The following FOXK2 variants were observed in gnomAD, a reference collection of about 807,000 sequenced individuals.
FOXK2 encodes forkhead box K2.
A neutral mutation model predicts 53.3 loss-of-function variants in FOXK2; 24 were observed. The observed-to-expected ratio is 0.45, with a 90% CI of 0.33 to 0.63. FOXK2 has a LOEUF of 0.63. Ranked by LOEUF, FOXK2 falls within the 30% of genes least tolerant of loss-of-function variation. The pLI, the probability that FOXK2 is intolerant of heterozygous loss-of-function variation, is 0.03. For missense variants in FOXK2, 952 were observed against 910.5 expected (o/e 1.05, Z -0.59); for synonymous variants, 505 against 407.1 (o/e 1.24, Z -2.89).
chr17:82,587,016 T>C, intron 7 of FOXK2, 47 bp from the exon 8 acceptor site: 2 of 1,574,260 alleles, frequency 1.3e-6, no homozygotes, highest in South Asian at 1.1e-5. Flanking sequence ...AAGATTTTTA[T>C]TTGCTTTCCA....
intron 1 of FOXK2, among the ~76,000 whole-genome samples, chr17:82,527,918 A>G (rs2044434329): frequency 6.6e-6 from 1 of 152,108 alleles, no homozygotes; most frequent in South Asian, 2.1e-4. Flanking sequence ...TTCCCACCTC[A>G]GTCTCCCGTG....
intron 1 of FOXK2, among the ~76,000 whole-genome samples, chr17:82,542,676 G>C (rs935323950): frequency 6.6e-6 from 1 of 152,146 alleles, no homozygotes; most frequent in African/African-American, 2.4e-5. Context: ...TGGCAGGAGA[G>C]GACAGGTGCA....
chr17:82,535,314 C>G (rs1319860300), intron 1 of FOXK2, among the ~76,000 whole-genome samples: 14 of 152,100 alleles, frequency 9.2e-5, no homozygotes, highest in Non-Finnish European at 2.9e-5. Flanking sequence ...CATTTTGGGT[C>G]CTGTGAGTTT....
At chr17:82,570,765 T>TC (rs1438545312) in intron 3 of FOXK2, among the ~76,000 whole-genome samples, 1 of 152,240 alleles carries the variant, frequency 6.6e-6, no homozygotes, top group East Asian at 1.9e-4. Flanking sequence ...GCCCAGAAGT[T>TC]CACAACCAGG....
intron 1 of FOXK2, among the ~76,000 whole-genome samples, chr17:82,554,505 A>T (rs1357383717): frequency 6.6e-6 from 1 of 152,178 alleles, no homozygotes; most frequent in Non-Finnish European, 1.5e-5. Context: ...AATCCAGTTT[A>T]AGTTGTTGGT....
At chr17:82,596,547 G>GCCCTGGTGCCCTCGT (rs1555644203) in intron 8 of FOXK2, among the ~76,000 whole-genome samples, 14 of 152,140 alleles carry the variant, frequency 9.2e-5, no homozygotes, top group South Asian at 2.1e-4. Flanking sequence ...CGCACTTTCT[G>GCCCTGGTGCCCTCGT]CGGGCAGTCT....
rs1035617191 is a variant in FOXK2 at position 82,603,809 on chromosome 17, CCT to C, written c.*2311_*2312del. ...CTCACAGATGGAAGGTGCACACGCT[CCT>C]GTCTCCTCCTCACTCTGCCACGTTC... On this transcript the variant is annotated 3_prime_UTR_variant, in exon 9 of 9. Coordinates refer to ENST00000335255, the MANE Select transcript of FOXK2 (RefSeq NM_004514.4). The C allele has an allele frequency of 2.0e-5, 3 of 151,440 alleles. No individual in the cohort carries two copies. The highest frequency in any genetic ancestry group is 7.3e-5 in the African/African-American group (3 of 41,124). The allele number at this position is 151,440 out of a possible 1,614,324, so 9.4% of individuals were successfully genotyped here.
intron 8 of FOXK2, chr17:82,596,141 G>T: frequency 1.3e-5 from 13 of 1,023,812 alleles, no homozygotes; most frequent in Non-Finnish European, 1.5e-5. Flanking sequence ...CGATTGCAGG[G>T]AGGAGCATCT....
At chr17:82,562,818 T>G (rs188400507) in intron 1 of FOXK2, among the ~76,000 whole-genome samples, 128 of 152,110 alleles carry the variant, frequency 8.4e-4, no homozygotes, top group African/African-American at 3.0e-3. Context: ...CTTTTTTTTT[T>G]TTTGGTCGGG....
In FOXK2 at chr17:82,520,318, T is replaced by G; in HGVS notation, c.419+11T>G. ...GCAGCTGCCGCGCGTGTGAGTGGCCTCGGGGCGGGGCGGGCGGGGTCTGCG... is the reference window on the plus strand; with the variant it reads ...GCAGCTGCCGCGCGTGTGAGTGGCCGCGGGGCGGGGCGGGCGGGGTCTGCG... On this transcript the variant is annotated intron_variant, in intron 1 of 8. Transcript: ENST00000335255. The G allele has an allele frequency of 1.8e-6, 1 of 541,972 alleles. No individual in the cohort carries two copies. The highest frequency in any genetic ancestry group is 2.9e-6 in the Non-Finnish European group (1 of 345,670). The allele number at this position is 541,972 out of a possible 1,614,324, so 33.6% of individuals were successfully genotyped here. A position where few individuals can be genotyped will look rare whatever the true frequency, so the allele number is the denominator to read the frequency against.
chr17:82,572,015 G>C, intron 4 of FOXK2, 145 bp downstream of exon 4: 2 of 701,898 alleles, frequency 2.8e-6, no homozygotes, highest in East Asian at 6.6e-5. Context: ...AGGAGTTGGG[G>C]GCCGGTGCTG....
chr17:82,544,759 G>A (rs1484184572), intron 1 of FOXK2, among the ~76,000 whole-genome samples: 3 of 152,082 alleles, frequency 2.0e-5, no homozygotes, highest in Non-Finnish European at 4.4e-5. Flanking sequence ...CAGGCAAGTC[G>A]CTGTGGGAGG....
chr17:82,558,166 C>T (rs530664625), intron 1 of FOXK2, among the ~76,000 whole-genome samples: 4 of 152,144 alleles, frequency 2.6e-5, no homozygotes, highest in South Asian at 2.1e-4. Flanking sequence ...GACCTTGTCT[C>T]TACAAAAAAT....
chr17:82,572,647 A>G (rs954941349), intron 4 of FOXK2, among the ~76,000 whole-genome samples: 1 of 152,238 alleles, frequency 6.6e-6, no homozygotes, highest in Non-Finnish European at 1.5e-5. Context: ...GGCAGTGGGT[A>G]GGTTTGAAAT....
chr17:82,581,931 G>A (rs1324768262), intron 4 of FOXK2, among the ~76,000 whole-genome samples: 1 of 152,070 alleles, frequency 6.6e-6, no homozygotes. Context: ...TCCTGTGTAC[G>A]TTACGAAATT....
chr17:82,531,896 A>G (rs1362769470), intron 1 of FOXK2, among the ~76,000 whole-genome samples: 2 of 152,248 alleles, frequency 1.3e-5, no homozygotes, highest in Non-Finnish European at 2.9e-5. Flanking sequence ...GCTGCAGTGC[A>G]ATGGCGTGAT....
intron 1 of FOXK2, among the ~76,000 whole-genome samples, chr17:82,523,044 T>C (rs2044381404): frequency 6.6e-6 from 1 of 151,534 alleles, no homozygotes; most frequent in Admixed American, 6.6e-5. Flanking sequence ...CCACCCGCCT[T>C]GGCCTCCCAA....
At chr17:82,559,235 G>A (rs575017278) in intron 1 of FOXK2, 1 of 402,234 alleles carries the variant, frequency 2.5e-6, no homozygotes, top group African/African-American at 2.0e-5. Flanking sequence ...GTGTCTGTAT[G>A]TGGATGTGGA....
chr17:82,562,905 A>G (rs542071411), intron 1 of FOXK2, among the ~76,000 whole-genome samples: 1 of 151,658 alleles, frequency 6.6e-6, no homozygotes, highest in East Asian at 1.9e-4. Context: ...TTCTGGGCTC[A>G]AGCAATCCTC....
Sources: gnomAD v4.1 joint callset for allele counts (sites outside exome capture counted in the v4.1 genomes callset) on GRCh38, gnomAD v4.1.1 for gene constraint, MANE v1.5 for transcripts, NCBI Gene and HGNC (gene_info 2026-07-23, HGNC 2026-07-21) for gene names.